Variants in MARCHF1 observed in about 807,000 individuals in gnomAD.
MARCHF1 encodes E3 ubiquitin-protein ligase MARCHF1.
A neutral mutation model predicts 54.2 loss-of-function variants in MARCHF1; 40 were observed. The ratio of observed to expected loss-of-function variants is 0.74; its 90% CI spans 0.57 to 0.96. MARCHF1 has a LOEUF of 0.96. MARCHF1 is among the 40% of genes least tolerant of loss of function. The pLI, the probability that MARCHF1 is intolerant of heterozygous loss-of-function variation, is 0.00. For synonymous variants in MARCHF1, 236 were observed against 236.3 expected (o/e 1.00, Z 0.01); for missense variants, 586 against 656.5 (o/e 0.89, Z 1.17).
intron 1 of MARCHF1, among the ~76,000 whole-genome samples, chr4:164,335,968 T>A (rs941049853): frequency 6.6e-6 from 1 of 152,148 alleles, no homozygotes. Context: ...AACAGAAATA[T>A]TTCTCTTTTT....
At chr4:164,248,550 C>T (rs1733026490) in intron 1 of MARCHF1, among the ~76,000 whole-genome samples, 1 of 152,020 alleles carries the variant, frequency 6.6e-6, no homozygotes, top group Non-Finnish European at 1.5e-5. Context: ...TATTCTCAAG[C>T]AGCTTCTGAA....
At chr4:164,272,138 G>A (rs536732418) in intron 1 of MARCHF1, among the ~76,000 whole-genome samples, 1 of 152,066 alleles carries the variant, frequency 6.6e-6, no homozygotes, top group Admixed American at 6.6e-5. Context: ...AATTAACAGA[G>A]ACGGGAAGTA....
rs533751046 is a variant in MARCHF1, at chr4:163,759,543, T to C, written c.112-58680A>G. The stretch of plus-strand genomic sequence containing the variant: ...CACAAGAAGCACATCTGTATGCTGG[T>C]TGAAAAGTTAATTAAAATGTGATTC... On this transcript the variant is annotated intron_variant, in intron 4 of 9. Coordinates refer to ENST00000514618, the MANE Select transcript of MARCHF1 (RefSeq NM_001394959.1). Among the ~76,000 whole-genome samples the C allele has an allele frequency of 5.9e-5, 9 of 152,320 alleles. No homozygotes were observed. The South Asian group carries it at 1.0e-3, about 18-fold the overall frequency.
chr4:164,009,141 C>T (rs917091948), intron 2 of MARCHF1, among the ~76,000 whole-genome samples: 3 of 151,920 alleles, frequency 2.0e-5, no homozygotes, highest in Non-Finnish European at 2.9e-5. Flanking sequence ...ACTGAGACCT[C>T]AGTAATACAA....
At position 163,574,700 on chromosome 4, in the gene MARCHF1, C is replaced by T. The variant is rs140833298; in HGVS notation, c.1191+11049G>A. ...TCTCTGTTTTGGTACCAGTACCATG[C>T]TGTTTTGGTTAATGTAGCCTTGTAG... On this transcript the variant is annotated intron_variant, in intron 8 of 9. Coordinates refer to ENST00000514618, the MANE Select transcript of MARCHF1 (RefSeq NM_001394959.1). Among the ~76,000 whole-genome samples the T allele has an allele frequency of 6.0e-3, 913 of 152,112 alleles. 7 individuals are homozygous for T. Among genetic ancestry groups the T allele is most frequent in the South Asian group, 0.045 (214 of 4,802 alleles).
chr4:163,762,778 AC>A (rs1561063731), intron 4 of MARCHF1, among the ~76,000 whole-genome samples: 1 of 152,128 alleles, frequency 6.6e-6, no homozygotes, highest in Admixed American at 6.6e-5. Context: ...TAAGTTTCTT[AC>A]TATATACTTC....
chr4:164,276,660 T>C (rs898142975), intron 1 of MARCHF1, among the ~76,000 whole-genome samples: 2 of 151,036 alleles, frequency 1.3e-5, no homozygotes. Context: ...TATCACTCTG[T>C]ATCCCAAGAA....
intron 1 of MARCHF1, among the ~76,000 whole-genome samples, chr4:164,381,456 T>C (rs1731368202): frequency 1.3e-5 from 2 of 152,206 alleles, no homozygotes; most frequent in African/African-American, 4.8e-5. Flanking sequence ...GGATAAAATA[T>C]TTTTGAAATA....
chr4:163,882,859 C>T (rs1750447346), intron 3 of MARCHF1, among the ~76,000 whole-genome samples: 1 of 152,036 alleles, frequency 6.6e-6, no homozygotes, highest in African/African-American at 2.4e-5. Flanking sequence ...TGTCTGTAGT[C>T]CCAGCTACTC....
intron 1 of MARCHF1, among the ~76,000 whole-genome samples, chr4:164,289,531 A>T (rs1325602123): frequency 1.3e-5 from 2 of 148,526 alleles, no homozygotes; most frequent in African/African-American, 4.9e-5. Context: ...GAATTAAAGG[A>T]GGTGAGTTGT....
chr4:164,235,440 G>A lies in MARCHF1; in HGVS notation c.-322-123778C>T, dbSNP rs960367449. ...TTGTTTTCCCCTTTCTGTAAGTGCT[G>A]AGGATTCAGAACCTTCTCAGATAAA... On this transcript the variant is annotated intron_variant, in intron 1 of 9. Coordinates refer to ENST00000514618, the MANE Select transcript of MARCHF1 (RefSeq NM_001394959.1). Among the ~76,000 whole-genome samples the A allele has an allele frequency of 4.6e-5, 7 of 152,132 alleles. No homozygotes were observed. In the East Asian group the frequency reaches 1.2e-3, roughly 25 times the overall value.
At position 163,799,325 on chromosome 4, in the gene MARCHF1, A is replaced by G. The variant is rs568936962; in HGVS notation, c.111+54696T>C. Among the ~76,000 whole-genome samples the G allele has an allele frequency of 2.7e-4, 41 of 152,244 alleles. No homozygotes were observed. The South Asian group carries it at 7.7e-3, about 28-fold the overall frequency. ...TCTTACAATTCTGGCAAGGTATTGT[A>G]TCTAGATGTTCCTTAATTTGCAAGT... On this transcript the variant is annotated intron_variant, in intron 4 of 9. Transcript: ENST00000514618.
chr4:164,315,416 G>A (rs1424521403), intron 1 of MARCHF1, among the ~76,000 whole-genome samples: 1 of 152,034 alleles, frequency 6.6e-6, no homozygotes. Flanking sequence ...TTGTATCAAA[G>A]TTTTCTAATT....
chr4:163,526,306 G>A lies in MARCHF1; in HGVS notation c.*2442C>T, dbSNP rs1259003018. On this transcript the variant is annotated 3_prime_UTR_variant, in exon 10 of 10. Transcript: ENST00000514618. ...TCAGCCCTGCAACGTATCTTGTTTA[G>A]GTTCGTACAGAATTTAAACAATATT... 6.6e-6 allele frequency: 1 copy of A among 151,976 alleles called. No homozygotes were observed. The highest frequency in any genetic ancestry group is 1.5e-5 in the Non-Finnish European group (1 of 67,956). 9.4% of individuals were successfully genotyped at this position (151,976 alleles called of 1,614,324 possible).
intron 1 of MARCHF1, among the ~76,000 whole-genome samples, chr4:164,188,075 C>G (rs1158893172): frequency 6.6e-6 from 1 of 152,086 alleles, no homozygotes; most frequent in Non-Finnish European, 1.5e-5. Flanking sequence ...GCCAAGTCAG[C>G]GAGCAGGGCA....
At chr4:164,313,914 C>G (rs1734932949) in intron 1 of MARCHF1, among the ~76,000 whole-genome samples, 1 of 152,172 alleles carries the variant, frequency 6.6e-6, no homozygotes, top group African/African-American at 2.4e-5. Context: ...TGCTCTAGTT[C>G]CTATCTTCAT....
intron 5 of MARCHF1, among the ~76,000 whole-genome samples, chr4:163,636,746 T>C (rs995856040): frequency 2.1e-3 from 322 of 152,132 alleles, no homozygotes; most frequent in African/African-American, 7.0e-3. Flanking sequence ...AAAAAACTAC[T>C]TTAAAGTTCA....
chr4:164,314,618 C>G (rs1043155637), intron 1 of MARCHF1, among the ~76,000 whole-genome samples: 5 of 152,078 alleles, frequency 3.3e-5, no homozygotes, highest in African/African-American at 1.2e-4. Flanking sequence ...ATAAAATACT[C>G]AGATATGTTA....
intron 4 of MARCHF1, among the ~76,000 whole-genome samples, chr4:163,709,554 G>C (rs1444599761): frequency 6.6e-6 from 1 of 152,052 alleles, no homozygotes; most frequent in Non-Finnish European, 1.5e-5. Flanking sequence ...TATCATAAAG[G>C]TATATCTATG....
Sources: gnomAD v4.1 joint callset for allele counts (sites outside exome capture counted in the v4.1 genomes callset) on GRCh38, gnomAD v4.1.1 for gene constraint, MANE v1.5 for transcripts, NCBI Gene and HGNC (gene_info 2026-07-23, HGNC 2026-07-21) for gene names.